MEIS2: variants seen among roughly 807,000 people sequenced by gnomAD.
MEIS2 encodes Meis homeobox 2, also known as homeobox protein Meis2.
Under a neutral mutation model 58.6 loss-of-function variants are expected in MEIS2, and 9 were observed. That is an observed-to-expected ratio of 0.15 (90% confidence interval 0.09 to 0.27). MEIS2 has a LOEUF of 0.27. MEIS2 is among the 10% of genes least tolerant of loss of function. MEIS2 has a pLI of 1.00. For missense variants in MEIS2, 427 were observed against 635.0 expected, an observed-to-expected ratio of 0.67 and a Z score of 3.52; for synonymous variants, 221 against 228.4, an observed-to-expected ratio of 0.97 and a Z score of 0.29.
At chr15:37,085,791 C>A (rs1321366638) in intron 6 of MEIS2, among the ~76,000 whole-genome samples, 1 of 152,006 alleles carries the variant, frequency 6.6e-6, no homozygotes, top group East Asian at 1.9e-4. Context: ...AAAGTCATGC[C>A]TGTGAGCTCT....
At chr15:36,934,141 A>G (rs1376451376) in intron 9 of MEIS2, among the ~76,000 whole-genome samples, 2 of 152,204 alleles carry the variant, frequency 1.3e-5, no homozygotes, top group African/African-American at 4.8e-5. Context: ...GAGTTGTCCA[A>G]TTTCTCATGT....
intron 8 of MEIS2, among the ~76,000 whole-genome samples, chr15:36,987,178 C>T (rs1027098774): frequency 3.3e-5 from 5 of 151,922 alleles, no homozygotes; most frequent in Non-Finnish European, 2.9e-5. Flanking sequence ...GAGGCCAAGG[C>T]GGGTGGATCA....
At chr15:36,990,101 C>G (rs951685996) in intron 8 of MEIS2, among the ~76,000 whole-genome samples, 1 of 152,088 alleles carries the variant, frequency 6.6e-6, no homozygotes, top group African/African-American at 2.4e-5. Context: ...CCCGCCACCA[C>G]GCCCAGCTAA....
chr15:36,916,121 T>A lies in MEIS2; in HGVS notation c.978-19435A>T, dbSNP rs558641464. The stretch of plus-strand genomic sequence containing the variant: ...TTTCCTTTTCTTCTTCTTCTTTTTT[T>A]TTTGTGGTAAGAGACAGGGTCTCAG... On this transcript the variant is annotated intron_variant, in intron 9 of 11. Coordinates refer to ENST00000561208, the MANE Select transcript of MEIS2 (RefSeq NM_170675.5). Among the ~76,000 whole-genome samples, 15 of 152,218 alleles carry A rather than the reference T, an allele frequency of 9.9e-5. No homozygotes were observed. In the South Asian group the frequency reaches 3.1e-3, roughly 32 times the overall value.
chr15:37,043,830 G>A (rs1223614997), intron 7 of MEIS2, among the ~76,000 whole-genome samples: 1 of 151,984 alleles, frequency 6.6e-6, no homozygotes, highest in African/African-American at 2.4e-5. Flanking sequence ...TAGGATTACA[G>A]GCGCGTGCCA....
At chr15:37,017,533 C>T (rs2061389802) in intron 8 of MEIS2, among the ~76,000 whole-genome samples, 1 of 152,108 alleles carries the variant, frequency 6.6e-6, no homozygotes, top group African/African-American at 2.4e-5. Flanking sequence ...ATCGCTTGAG[C>T]CCAGAAGTGC....
intron 9 of MEIS2, among the ~76,000 whole-genome samples, chr15:36,900,177 A>T (rs557227751): frequency 6.6e-6 from 1 of 152,362 alleles, no homozygotes; most frequent in South Asian, 2.1e-4. Flanking sequence ...AACAGTTCTT[A>T]AAAAACATTC....
chr15:36,972,200 T>A (rs955348310), intron 8 of MEIS2, among the ~76,000 whole-genome samples: 2 of 152,108 alleles, frequency 1.3e-5, no homozygotes, highest in African/African-American at 4.8e-5. Context: ...AGCACAAAAG[T>A]AAGTTATGAT....
At chr15:37,006,734 G>A (rs879247723) in intron 8 of MEIS2, among the ~76,000 whole-genome samples, 6 of 152,192 alleles carry the variant, frequency 3.9e-5, no homozygotes, top group Admixed American at 3.9e-4. Flanking sequence ...GCTTCTTCAT[G>A]GATAAGCCAA....
chr15:37,028,800 C>T (rs1359800916), intron 8 of MEIS2, among the ~76,000 whole-genome samples: 2 of 152,174 alleles, frequency 1.3e-5, no homozygotes, highest in Admixed American at 1.3e-4. Flanking sequence ...ACAGCCCCAG[C>T]ACTCAGCACC....
At chr15:37,022,239 GTTAGATA>G (rs1297909359) in intron 8 of MEIS2, among the ~76,000 whole-genome samples, 2 of 151,824 alleles carry the variant, frequency 1.3e-5, no homozygotes, top group African/African-American at 4.8e-5. Context: ...TCATTATTAA[GTTAGATA>G]TTTCCTTCTA....
At chr15:37,017,737 T>C (rs1186711659) in intron 8 of MEIS2, among the ~76,000 whole-genome samples, 1 of 152,102 alleles carries the variant, frequency 6.6e-6, no homozygotes, top group African/African-American at 2.4e-5. Context: ...TCACTCTGAG[T>C]GAAAATGGAG....
At chr15:36,892,776 C>T (rs2055944395) in intron 11 of MEIS2, among the ~76,000 whole-genome samples, 1 of 152,000 alleles carries the variant, frequency 6.6e-6, no homozygotes, top group African/African-American at 2.4e-5. Context: ...AATTTTGAGT[C>T]GAGTTTTATC....
chr15:36,996,078 TA>T (rs1309818328), intron 8 of MEIS2, among the ~76,000 whole-genome samples: 4 of 147,616 alleles, frequency 2.7e-5, no homozygotes, highest in Non-Finnish European at 5.9e-5. Flanking sequence ...TATATATATA[TA>T]TTTTTAAATA....
intron 8 of MEIS2, among the ~76,000 whole-genome samples, chr15:37,021,406 T>C (rs2061522795): frequency 6.6e-6 from 1 of 152,222 alleles, no homozygotes; most frequent in Non-Finnish European, 1.5e-5. Context: ...CTTATGTACA[T>C]GCTAGAAAGT....
intron 9 of MEIS2, among the ~76,000 whole-genome samples, chr15:36,932,152 C>T (rs1219222665): frequency 1.3e-5 from 2 of 152,094 alleles, no homozygotes; most frequent in Non-Finnish European, 2.9e-5. Flanking sequence ...ATAACCAAAG[C>T]AGACTTAATC....
intron 8 of MEIS2, among the ~76,000 whole-genome samples, chr15:37,013,147 C>T (rs1014006372): frequency 6.6e-6 from 1 of 152,160 alleles, no homozygotes; most frequent in Non-Finnish European, 1.5e-5. Flanking sequence ...GAGAATCCTT[C>T]CACTGAGAGT....
intron 9 of MEIS2, among the ~76,000 whole-genome samples, chr15:36,925,482 T>C (rs2057711496): frequency 1.3e-5 from 2 of 149,588 alleles, no homozygotes; most frequent in South Asian, 4.2e-4. Context: ...TTTGTTTGGA[T>C]ATTTTTTCAT....
At chr15:36,908,888 G>A (rs186551316) in intron 9 of MEIS2, among the ~76,000 whole-genome samples, 1,671 of 152,150 alleles carry the variant, frequency 0.011, 104 homozygotes, top group Admixed American at 0.092. Flanking sequence ...GTGGTGAGCC[G>A]AGATGGCGCC....
Sources: allele counts gnomAD v4.1 joint callset (sites outside exome capture counted in the v4.1 genomes callset), GRCh38; gene constraint gnomAD v4.1.1; transcripts MANE v1.5; gene names NCBI Gene and HGNC (gene_info 2026-07-23, HGNC 2026-07-21).